The following SNRPN variants were observed in gnomAD, a reference collection of about 807,000 sequenced individuals.
SNRPN encodes small nuclear ribonucleoprotein-associated protein N.
SNRPN carries 7 observed loss-of-function variants against 25.2 expected under a neutral mutation model. That is an observed-to-expected ratio of 0.28 (90% CI 0.16 to 0.52). The LOEUF (loss-of-function observed/expected upper bound fraction) is 0.52, where lower values mean the gene tolerates loss of function less well. Among genes scored for constraint, SNRPN ranks in the 20% least tolerant of loss-of-function variants. The probability of loss-of-function intolerance (pLI) is 0.96; values close to 1 mark genes in which losing one functional copy is unlikely to be tolerated. For missense variants in SNRPN, 196 were observed against 322.5 expected (o/e 0.61, Z 3.00); for synonymous variants, 124 against 110.6 (o/e 1.12, Z -0.76).
intron 1 of SNRPN, among the ~76,000 whole-genome samples, chr15:24,961,858 TA>T (rs1566958716): frequency 2.0e-5 from 3 of 152,288 alleles, no homozygotes; most frequent in East Asian, 3.9e-4. Flanking sequence ...GAGGTAGATA[TA>T]TTATTTTAAT....
At chr15:24,914,875 C>G (rs2059421491) in intron 2 of SNRPN, among the ~76,000 whole-genome samples, 1 of 151,970 alleles carries the variant, frequency 6.6e-6, no homozygotes, top group African/African-American at 2.4e-5. Flanking sequence ...GCTCTGAACT[C>G]CAAATAGATC....
chr15:24,920,774 C>T (rs1214005791), intron 3 of SNRPN, among the ~76,000 whole-genome samples: 1 of 150,312 alleles, frequency 6.7e-6, no homozygotes, highest in African/African-American at 2.4e-5. Context: ...GTTAACAATT[C>T]TTCCAGTGTT....
At chr15:24,945,710 A>C (rs2061842957) in intron 3 of SNRPN, among the ~76,000 whole-genome samples, 1 of 152,150 alleles carries the variant, frequency 6.6e-6, no homozygotes, top group African/African-American at 2.4e-5. Flanking sequence ...GTGCATTCTC[A>C]AGAGTAGGTA....
intron 2 of SNRPN, among the ~76,000 whole-genome samples, chr15:24,841,619 A>G (rs75374348): frequency 0.081 from 12,260 of 152,260 alleles, 669 homozygotes; most frequent in Middle Eastern, 0.17. Flanking sequence ...GTAGGGACCT[A>G]GAGGCCTTGG....
At chr15:24,909,007 G>A in intron 2 of SNRPN, 1 of 1,415,410 alleles carries the variant, frequency 7.1e-7, no homozygotes, top group South Asian at 1.2e-5. Context: ...TCTGAGCAAG[G>A]GACATTTTGG....
intron 1 of SNRPN, among the ~76,000 whole-genome samples, chr15:24,873,053 A>T (rs76635184): frequency 0.16 from 19,840 of 120,428 alleles, 6,244 homozygotes; most frequent in East Asian, 0.42. Flanking sequence ...TATATTGTTT[A>T]GAAATCCCAT....
chr15:24,974,447 A>T lies in SNRPN; in HGVS notation c.-7A>T. ...CTGTGGACATTGGATTTGGTGGAAC[A>T]GCAATCATGGTAAGCTGTATGATAA... On this transcript the variant is annotated 5_prime_UTR_variant, in exon 4 of 10. Transcript: ENST00000390687. The T allele has an allele frequency of 6.2e-7, 1 of 1,613,820 alleles. No individual in the cohort carries two copies. The highest frequency in any genetic ancestry group is 1.1e-5 in the South Asian group (1 of 91,080).
intron 3 of SNRPN, among the ~76,000 whole-genome samples, chr15:24,973,947 A>G (rs1192508601): frequency 6.6e-6 from 1 of 152,220 alleles, no homozygotes; most frequent in African/African-American, 2.4e-5. Context: ...TCTGAATGAA[A>G]GAGTAATTGA....
intron 2 of SNRPN, among the ~76,000 whole-genome samples, chr15:24,901,113 A>T (rs924534379): frequency 6.6e-6 from 1 of 152,130 alleles, no homozygotes; most frequent in Non-Finnish European, 1.5e-5. Flanking sequence ...TAACAAAAAA[A>T]GATTTATTTT....
At chr15:24,831,555 G>A (rs998459864) in intron 2 of SNRPN, among the ~76,000 whole-genome samples, 1 of 151,844 alleles carries the variant, frequency 6.6e-6, no homozygotes, top group Non-Finnish European at 1.5e-5. Context: ...TTACCATGTT[G>A]TACAATCTCT....
Position 24,897,384 on chromosome 15 carries a change from TTGAGACTAGCC to T in SNRPN, c.-505+10800_-505+10810del, listed in dbSNP as rs1461730274. On this transcript the variant is annotated intron_variant, in intron 2 of 11. Transcript: ENST00000400097. ...GGGGGAATCACTTGAGGCCAGGAGT[TTGAGACTAGCC>T]TGAGCAACGTAGCAAGACCCTGTCT... 5.9e-5 allele frequency among the ~76,000 whole-genome samples: 9 copies of T among 152,308 alleles called. No homozygotes were observed. In the South Asian group the frequency reaches 1.7e-3, roughly 28 times the overall value.
At chr15:24,842,694 G>GA (rs1488552189) in intron 2 of SNRPN, among the ~76,000 whole-genome samples, 1 of 152,184 alleles carries the variant, frequency 6.6e-6, no homozygotes, top group Non-Finnish European at 1.5e-5. Flanking sequence ...GGAAGGGCCA[G>GA]AACAAGGCCA....
intron 3 of SNRPN, among the ~76,000 whole-genome samples, chr15:24,922,497 T>C (rs2060088978): frequency 1.3e-5 from 2 of 152,214 alleles, no homozygotes; most frequent in African/African-American, 2.4e-5. Context: ...GACATGATCC[T>C]GAGCTCCCTC....
chr15:24,881,679 A>G (rs1225821423), intron 1 of SNRPN, among the ~76,000 whole-genome samples: 1 of 151,932 alleles, frequency 6.6e-6, no homozygotes, highest in Admixed American at 6.6e-5. Context: ...ATCGTGTTCC[A>G]GCATAGGCCT....
intron 2 of SNRPN, among the ~76,000 whole-genome samples, chr15:24,833,536 A>G (rs4028399): frequency 0.57 from 86,256 of 151,918 alleles, 24,854 homozygotes; most frequent in East Asian, 0.82. Flanking sequence ...ATAGAAGAAA[A>G]GGTATGTAAA....
At chr15:24,919,025 G>A (rs991114583) in intron 2 of SNRPN, among the ~76,000 whole-genome samples, 1 of 132,984 alleles carries the variant, frequency 7.5e-6, no homozygotes, top group African/African-American at 2.8e-5. Context: ...ATATATGTGC[G>A]CATATATATA....
At chr15:24,867,430 A>G (rs61999115) in intron 1 of SNRPN, among the ~76,000 whole-genome samples, 12 of 150,984 alleles carry the variant, frequency 7.9e-5, no homozygotes, top group Non-Finnish European at 1.8e-4. Flanking sequence ...GCTGGAGTGC[A>G]GTGGTGTGAT....
At chr15:24,888,068 A>C (rs1460546157) in intron 2 of SNRPN, among the ~76,000 whole-genome samples, 1 of 151,936 alleles carries the variant, frequency 6.6e-6, no homozygotes, top group African/African-American at 2.4e-5. Context: ...TTTAGGTTAC[A>C]TATATTTTAC....
At chr15:24,891,879 T>G (rs192949701) in intron 2 of SNRPN, among the ~76,000 whole-genome samples, 4 of 152,334 alleles carry the variant, frequency 2.6e-5, no homozygotes, top group Admixed American at 2.6e-4. Context: ...ATCTTAGCCA[T>G]GAATCAGAAA....
Sources: gnomAD v4.1 joint callset for allele counts (sites outside exome capture counted in the v4.1 genomes callset) on GRCh38, gnomAD v4.1.1 for gene constraint, MANE v1.5 for transcripts, NCBI Gene and HGNC (gene_info 2026-07-23, HGNC 2026-07-21) for gene names.